NALF1: variants seen among roughly 807,000 people sequenced by gnomAD.
NALF1 encodes family with sequence similarity 155 member A.
NALF1 carries 3 observed loss-of-function variants against 48.4 expected under a neutral mutation model. The ratio of observed to expected loss-of-function variants is 0.06; its 90% CI spans 0.03 to 0.16. The LOEUF is 0.16. Ranked by LOEUF, NALF1 falls within the 10% of genes least tolerant of loss-of-function variation. The pLI is 1.00. For missense variants in NALF1, 526 were observed against 571.5 expected (o/e 0.92, Z 0.81); for synonymous variants, 262 against 245.7 (o/e 1.07, Z -0.62).
chr13:107,302,365 CA>C (rs1358410924), intron 1 of NALF1, among the ~76,000 whole-genome samples: 1 of 152,094 alleles, frequency 6.6e-6, no homozygotes, highest in African/African-American at 2.4e-5. Context: ...AGAGGGCTAC[CA>C]AGGAAGTGAG....
chr13:107,564,156 G>A (rs1877722738), intron 1 of NALF1, among the ~76,000 whole-genome samples: 1 of 152,078 alleles, frequency 6.6e-6, no homozygotes, highest in South Asian at 2.1e-4. Context: ...TGGAGTCTGG[G>A]GTAATGAGGC....
At chr13:107,350,139 G>A (rs569963312) in intron 1 of NALF1, among the ~76,000 whole-genome samples, 184 of 152,238 alleles carry the variant, frequency 1.2e-3, no homozygotes, top group African/African-American at 4.2e-3. Context: ...CTTGCTATGC[G>A]GCCCAGTTCC....
chr13:107,341,061 G>A (rs9520395), intron 1 of NALF1, among the ~76,000 whole-genome samples: 47,193 of 136,450 alleles, frequency 0.35, 8,941 homozygotes, highest in South Asian at 0.47. Flanking sequence ...CCGCCGCCCC[G>A]AACACTTGCA....
chr13:107,653,761 C>T (rs1341829276), intron 1 of NALF1, among the ~76,000 whole-genome samples: 1 of 151,918 alleles, frequency 6.6e-6, no homozygotes, highest in Non-Finnish European at 1.5e-5. Context: ...TTACTTGACT[C>T]TCATAGGGCT....
At chr13:107,551,729 T>A (rs1877300281) in intron 1 of NALF1, among the ~76,000 whole-genome samples, 1 of 152,068 alleles carries the variant, frequency 6.6e-6, no homozygotes, top group Non-Finnish European at 1.5e-5. Context: ...AACAGTAACC[T>A]CTTAGTGACC....
intron 1 of NALF1, among the ~76,000 whole-genome samples, chr13:107,702,882 C>T (rs1472345562): frequency 2.6e-5 from 4 of 152,120 alleles, no homozygotes; most frequent in African/African-American, 7.2e-5. Flanking sequence ...GATCTCCTTC[C>T]TTTTTATGGC....
chr13:107,431,703 G>C (rs922638138), intron 1 of NALF1, among the ~76,000 whole-genome samples: 7 of 152,138 alleles, frequency 4.6e-5, no homozygotes, highest in African/African-American at 1.7e-4. Context: ...TCAAATATAA[G>C]TCATTCTGGA....
intron 1 of NALF1, among the ~76,000 whole-genome samples, chr13:107,526,585 C>T (rs1316561145): frequency 1.3e-5 from 2 of 151,976 alleles, no homozygotes; most frequent in African/African-American, 2.4e-5. Flanking sequence ...TGTAGAAGGA[C>T]GAACACTGGT....
chr13:107,352,909 AAC>A (rs1169925512), intron 1 of NALF1, among the ~76,000 whole-genome samples: 2 of 152,130 alleles, frequency 1.3e-5, no homozygotes, highest in African/African-American at 4.8e-5. Context: ...CTCGTCACAT[AAC>A]CAGGAAAGAT....
At chr13:107,442,051 A>C (rs1374189740) in intron 1 of NALF1, among the ~76,000 whole-genome samples, 1 of 152,230 alleles carries the variant, frequency 6.6e-6, no homozygotes, top group Non-Finnish European at 1.5e-5. Flanking sequence ...GGATTGCCCC[A>C]AAGAGTGCTA....
At chr13:107,552,036 A>T (rs1877308813) in intron 1 of NALF1, among the ~76,000 whole-genome samples, 1 of 152,216 alleles carries the variant, frequency 6.6e-6, no homozygotes, top group Admixed American at 6.5e-5. Context: ...TTATGAAAGT[A>T]AACAGACATT....
rs114524931 is a variant in NALF1 at position 107,821,609 on chromosome 13, T to G, written c.915+44073A>C. 4.4e-3 allele frequency among the ~76,000 whole-genome samples: 663 copies of G among 152,142 alleles called. 5 individuals carry two copies. The highest frequency in any genetic ancestry group is 0.015 in the African/African-American group (634 of 41,492). ...GAGCACTCTTCAAACTGTCAAGTCA[T>G]GAAAAGTAAAGAAATACTGAGAAAC... On this transcript the variant is annotated intron_variant, in intron 1 of 2. Transcript: ENST00000375915.
At chr13:107,494,818 C>A (rs193154112) in intron 1 of NALF1, among the ~76,000 whole-genome samples, 1 of 152,256 alleles carries the variant, frequency 6.6e-6, no homozygotes, top group African/African-American at 2.4e-5. Flanking sequence ...AGAACACATA[C>A]AACCAATTGG....
intron 1 of NALF1, among the ~76,000 whole-genome samples, chr13:107,825,352 TTTGA>T (rs1417138418): frequency 6.6e-6 from 1 of 152,212 alleles, no homozygotes; most frequent in African/African-American, 2.4e-5. Context: ...AATAATGCTA[TTTGA>T]TTGGTGAAAT....
chr13:107,236,922 G>A (rs982333691), intron 1 of NALF1, among the ~76,000 whole-genome samples: 1 of 152,064 alleles, frequency 6.6e-6, no homozygotes, highest in African/African-American at 2.4e-5. Context: ...ATCATATTGA[G>A]TATTATAAGT....
At chr13:107,215,728 C>T (rs1055806279) in intron 1 of NALF1, among the ~76,000 whole-genome samples, 5 of 152,114 alleles carry the variant, frequency 3.3e-5, no homozygotes, top group Non-Finnish European at 5.9e-5. Context: ...GCCATATAGA[C>T]AGCTGGCAGG....
At chr13:107,824,958 T>G (rs1396932029) in intron 1 of NALF1, among the ~76,000 whole-genome samples, 1 of 152,194 alleles carries the variant, frequency 6.6e-6, no homozygotes, top group Non-Finnish European at 1.5e-5. Flanking sequence ...TCCCGAATAC[T>G]AGGACATGAT....
At chr13:107,657,272 G>C (rs577372517) in intron 1 of NALF1, among the ~76,000 whole-genome samples, 1 of 152,078 alleles carries the variant, frequency 6.6e-6, no homozygotes, top group Non-Finnish European at 1.5e-5. Flanking sequence ...TGTATATAGA[G>C]AGAGAGAGAG....
At chr13:107,846,808 G>C (rs964601302) in intron 1 of NALF1, among the ~76,000 whole-genome samples, 1 of 152,226 alleles carries the variant, frequency 6.6e-6, no homozygotes, top group Non-Finnish European at 1.5e-5. Context: ...TCTGGATTTA[G>C]CCTTATGGGC....
Sources: allele counts gnomAD v4.1 joint callset (sites outside exome capture counted in the v4.1 genomes callset), GRCh38; gene constraint gnomAD v4.1.1; transcripts MANE v1.5; gene names NCBI Gene and HGNC (gene_info 2026-07-23, HGNC 2026-07-21).